The following TRPC4 variants were observed in gnomAD, a reference collection of about 807,000 sequenced individuals.
TRPC4 encodes transient receptor potential cation channel subfamily C member 4.
TRPC4 carries 49 observed loss-of-function variants against 99.4 expected under a neutral mutation model. The observed-to-expected ratio is 0.49, with a 90% CI of 0.39 to 0.63. TRPC4 has a LOEUF of 0.63. TRPC4 is among the 20% of genes least tolerant of loss of function. The pLI is 0.00. For missense variants in TRPC4, 898 were observed against 1,152.9 expected (o/e 0.78, Z 3.20); for synonymous variants, 454 against 425.9 (o/e 1.07, Z -0.81).
chr13:37,722,314 T>C (rs764903049), intron 3 of TRPC4, among the ~76,000 whole-genome samples: 45 of 152,258 alleles, frequency 3.0e-4, no homozygotes, highest in Non-Finnish European at 5.1e-4. Flanking sequence ...CAATCACATA[T>C]GAAAAGTTTT....
intron 1 of TRPC4, among the ~76,000 whole-genome samples, chr13:37,789,361 C>T (rs1957053770): frequency 6.6e-6 from 1 of 152,104 alleles, no homozygotes; most frequent in South Asian, 2.1e-4. Flanking sequence ...GCATCATAGC[C>T]CCTGATGATG....
In TRPC4 at chr13:37,837,688, T is replaced by C. The variant is rs189358258; in HGVS notation, c.-28+31907A>G. On this transcript the variant is annotated intron_variant, in intron 1 of 10. Transcript: ENST00000379705. ...TAGGTGGAAGGGACTTGTCTTATCT[T>C]GGATGAGACTTTGCACTGTGGACTT... is the stretch of plus-strand genomic sequence containing the variant. 1.6e-4 allele frequency among the ~76,000 whole-genome samples: 25 copies of C among 152,322 alleles called. No homozygotes were observed. In the East Asian group the frequency reaches 4.6e-3, roughly 28 times the overall value.
At chr13:37,782,834 G>T (rs1301495765) in intron 2 of TRPC4, 122 bp downstream of exon 2, 1 of 981,082 alleles carries the variant, frequency 1.0e-6, no homozygotes, top group Non-Finnish European at 1.4e-6. Flanking sequence ...TTCAGATTTT[G>T]AAGCTTATAT....
chr13:37,814,963 G>C (rs1566191076), intron 1 of TRPC4, among the ~76,000 whole-genome samples: 1 of 151,816 alleles, frequency 6.6e-6, no homozygotes, highest in Non-Finnish European at 1.5e-5. Context: ...AGAATGTGTA[G>C]TGCTGGAATA....
intron 4 of TRPC4, among the ~76,000 whole-genome samples, chr13:37,676,187 C>G (rs1297258727): frequency 6.6e-6 from 1 of 151,330 alleles, no homozygotes; most frequent in Non-Finnish European, 1.5e-5. Flanking sequence ...CACATACGTA[C>G]CCACACACAC....
rs1179818279 is a variant in TRPC4 at position 37,636,555 on chromosome 13, A to T, written c.*348T>A. 6.0e-6 allele frequency: 1 copy of T among 166,162 alleles called. No homozygotes were observed. Among genetic ancestry groups the T allele is most frequent in the Non-Finnish European group, 1.3e-5 (1 of 77,890 alleles). 10.3% of individuals were successfully genotyped at this position (166,162 alleles called of 1,614,324 possible). A position where few individuals can be genotyped will look rare whatever the true frequency, so the allele number is the denominator to read the frequency against. ...CACATTGGTTTTTGAATATAAAAAT[A>T]TCTATTTTAGGAGTCAACTACCACA... On this transcript the variant is annotated 3_prime_UTR_variant, in exon 11 of 11. Coordinates refer to ENST00000379705, the MANE Select transcript of TRPC4 (RefSeq NM_016179.4).
intron 3 of TRPC4, among the ~76,000 whole-genome samples, chr13:37,722,846 G>A (rs1384002129): frequency 6.6e-6 from 1 of 151,878 alleles, no homozygotes; most frequent in Non-Finnish European, 1.5e-5. Context: ...GACTAAGATA[G>A]AATCCCAATA....
chr13:37,716,204 G>A (rs952469408), intron 3 of TRPC4, among the ~76,000 whole-genome samples: 7 of 152,126 alleles, frequency 4.6e-5, no homozygotes, highest in Non-Finnish European at 7.4e-5. Flanking sequence ...TTCCTGCATA[G>A]TTTCTTAGAT....
chr13:37,662,483 CCAA>C (rs1009167614), intron 6 of TRPC4, among the ~76,000 whole-genome samples: 1 of 152,060 alleles, frequency 6.6e-6, no homozygotes, highest in Non-Finnish European at 1.5e-5. Context: ...TAGAATTAGA[CCAA>C]CAAGAGCATT....
intron 4 of TRPC4, among the ~76,000 whole-genome samples, chr13:37,679,265 C>T (rs1380088236): frequency 1.3e-5 from 2 of 151,882 alleles, no homozygotes; most frequent in African/African-American, 2.4e-5. Flanking sequence ...TGACTGTATG[C>T]GTTTTAACAT....
At chr13:37,851,512 G>A (rs1593318312) in intron 1 of TRPC4, among the ~76,000 whole-genome samples, 1 of 152,114 alleles carries the variant, frequency 6.6e-6, no homozygotes, top group East Asian at 1.9e-4. Flanking sequence ...TAAATCAAAT[G>A]GAAATACTAG....
intron 1 of TRPC4, among the ~76,000 whole-genome samples, chr13:37,863,772 T>C (rs1475476689): frequency 6.6e-6 from 1 of 151,668 alleles, no homozygotes; most frequent in Non-Finnish European, 1.5e-5. Flanking sequence ...AGATTCATAT[T>C]GGTGTATGAT....
chr13:37,821,869 ACC>A (rs1239418718), intron 1 of TRPC4, among the ~76,000 whole-genome samples: 1 of 152,210 alleles, frequency 6.6e-6, no homozygotes, highest in South Asian at 2.1e-4. Context: ...CTGGAAGATA[ACC>A]TAGGAAATAC....
chr13:37,832,655 C>A (rs185608297), intron 1 of TRPC4, among the ~76,000 whole-genome samples: 3 of 151,894 alleles, frequency 2.0e-5, no homozygotes, highest in Admixed American at 6.6e-5. Flanking sequence ...TTAAATCTAA[C>A]GAACAGGACA....
In TRPC4 at chr13:37,774,157, C is replaced by G. The variant is rs149493637; in HGVS notation, c.378+8799G>C. On this transcript the variant is annotated intron_variant, in intron 2 of 10. Transcript: ENST00000379705. ...AGATGAGTATTAGGCAAAGTTAAGCCCACTCCACTTACGTATTATCACCTT... is the reference window on the plus strand; with the variant it reads ...AGATGAGTATTAGGCAAAGTTAAGCGCACTCCACTTACGTATTATCACCTT... Among the ~76,000 whole-genome samples the G allele has an allele frequency of 1.2e-3, 184 of 151,612 alleles. 2 individuals carry two copies. The highest frequency in any genetic ancestry group is 4.0e-3 in the Admixed American group (61 of 15,160).
chr13:37,746,983 G>T (rs1955805119), intron 2 of TRPC4, among the ~76,000 whole-genome samples: 2 of 152,058 alleles, frequency 1.3e-5, no homozygotes, highest in Non-Finnish European at 2.9e-5. Context: ...ACTAAATGTG[G>T]CAGCAAAAAT....
intron 3 of TRPC4, among the ~76,000 whole-genome samples, chr13:37,700,516 A>G (rs552504399): frequency 6.6e-6 from 1 of 152,330 alleles, no homozygotes; most frequent in African/African-American, 2.4e-5. Flanking sequence ...TTCAGAAAGG[A>G]AAAAAGAGAC....
chr13:37,700,617 C>G (rs1311340400), intron 3 of TRPC4, among the ~76,000 whole-genome samples: 1 of 152,116 alleles, frequency 6.6e-6, no homozygotes, highest in Non-Finnish European at 1.5e-5. Flanking sequence ...AACATAATAT[C>G]AAGACCTATA....
intron 3 of TRPC4, among the ~76,000 whole-genome samples, chr13:37,694,761 T>C (rs1006120605): frequency 2.0e-5 from 3 of 152,150 alleles, no homozygotes; most frequent in Non-Finnish European, 4.4e-5. Flanking sequence ...AAGTAAAAAT[T>C]ATGGAGAGGA....
Sources: gnomAD v4.1 joint callset for allele counts (sites outside exome capture counted in the v4.1 genomes callset) on GRCh38, gnomAD v4.1.1 for gene constraint, MANE v1.5 for transcripts, NCBI Gene and HGNC (gene_info 2026-07-23, HGNC 2026-07-21) for gene names.